Variants in GRIP1 observed in about 807,000 individuals in gnomAD.
GRIP1 encodes the protein glutamate receptor interacting protein 1.
A neutral mutation model predicts 129.9 loss-of-function variants in GRIP1; 45 were observed. The observed-to-expected ratio is 0.35, with a 90% CI of 0.27 to 0.44. GRIP1 has a LOEUF of 0.44. GRIP1 is among the 20% of genes least tolerant of loss of function. GRIP1 has a pLI of 1.00. For synonymous variants in GRIP1, 530 were observed against 520.8 expected, an observed-to-expected ratio of 1.02 and a Z score of -0.24; for missense variants, 1,196 against 1,396.8, an observed-to-expected ratio of 0.86 and a Z score of 2.29.
chr12:66,809,635 T>C (rs565200765), intron 1 of GRIP1, among the ~76,000 whole-genome samples: 4 of 152,244 alleles, frequency 2.6e-5, no homozygotes, highest in South Asian at 4.1e-4. Context: ...ATGTAACTCA[T>C]GAGCACATAA....
intron 16 of GRIP1, among the ~76,000 whole-genome samples, chr12:66,401,839 CAG>C (rs150866570): frequency 0.02 from 3,058 of 152,096 alleles, 106 homozygotes; most frequent in African/African-American, 0.071. Flanking sequence ...GGGCTAGAAA[CAG>C]AGTTAATTCA....
chr12:66,698,730 A>T (rs1352869129), intron 1 of GRIP1, among the ~76,000 whole-genome samples: 2 of 151,936 alleles, frequency 1.3e-5, no homozygotes, highest in Admixed American at 6.6e-5. Context: ...ATATGAATCT[A>T]CCTATCGTAT....
chr12:66,429,099 G>A (rs77451355), intron 14 of GRIP1, among the ~76,000 whole-genome samples: 2,062 of 152,276 alleles, frequency 0.014, 28 homozygotes, highest in Middle Eastern at 0.027. Flanking sequence ...CGGAACTTAA[G>A]AAAATTAGTC....
chr12:66,687,352 GA>G (rs1368160419), intron 1 of GRIP1, among the ~76,000 whole-genome samples: 2 of 152,090 alleles, frequency 1.3e-5, no homozygotes, highest in African/African-American at 4.8e-5. Context: ...AATAATGGTG[GA>G]AAGTAAGGAA....
Position 66,459,766 on chromosome 12 carries a change from T to C in GRIP1, c.1042+3158A>G, listed in dbSNP as rs550306059. ...TGCAAAAGGTGTTGAACAAATAATG[T>C]AGGCCAGAGAAGAGAGCTGCTGCCT... On this transcript the variant is annotated intron_variant, in intron 9 of 24. Coordinates refer to ENST00000359742, the MANE Select transcript of GRIP1 (RefSeq NM_001366722.1). Among the ~76,000 whole-genome samples the C allele has an allele frequency of 5.6e-4, 85 of 152,330 alleles. 1 individual carries two copies. The highest frequency in any genetic ancestry group is 1.8e-3 in the African/African-American group (74 of 41,560).
At chr12:66,683,711 A>T (rs913626411), upstream of GRIP1, among the ~76,000 whole-genome samples, 2 of 152,198 alleles carry the variant, frequency 1.3e-5, no homozygotes, top group African/African-American at 4.8e-5. Flanking sequence ...AGTGCCAAGG[A>T]AAGAAGGTTG....
chr12:66,763,235 C>A (rs1027229000), intron 1 of GRIP1, among the ~76,000 whole-genome samples: 1 of 152,116 alleles, frequency 6.6e-6, no homozygotes, highest in Admixed American at 6.6e-5. Flanking sequence ...GATTCTGACC[C>A]TCTAAACTAC....
intron 1 of GRIP1, among the ~76,000 whole-genome samples, chr12:66,824,596 T>C (rs1288135728): frequency 6.6e-6 from 1 of 152,156 alleles, no homozygotes; most frequent in Non-Finnish European, 1.5e-5. Context: ...CTTCAATGTG[T>C]CTATTGATGA....
chr12:66,537,507 A>G (rs2061640297), intron 4 of GRIP1, among the ~76,000 whole-genome samples: 1 of 114,744 alleles, frequency 8.7e-6, no homozygotes, highest in Non-Finnish European at 1.7e-5. Context: ...CATGCTTCAG[A>G]AATGGATATA....
chr12:66,701,777 A>G (rs1043308778), intron 1 of GRIP1, among the ~76,000 whole-genome samples: 2 of 152,212 alleles, frequency 1.3e-5, no homozygotes, highest in African/African-American at 4.8e-5. Flanking sequence ...CTGCTGATCA[A>G]TTAAGCTTCC....
chr12:66,963,720 A>C (rs1221920802), intron 1 of GRIP1, among the ~76,000 whole-genome samples: 5 of 152,198 alleles, frequency 3.3e-5, no homozygotes, highest in South Asian at 2.1e-4. Context: ...TACTTGAACA[A>C]CACCATCCAT....
chr12:67,035,657 T>C (rs1036419766), intron 1 of GRIP1: 1 of 151,992 alleles, frequency 6.6e-6, no homozygotes, highest in Non-Finnish European at 1.5e-5. Context: ...TTAGCAATGA[T>C]ATGAGGCTGC....
intron 11 of GRIP1, among the ~76,000 whole-genome samples, chr12:66,451,066 A>G (rs1489588149): frequency 6.6e-6 from 1 of 152,158 alleles, no homozygotes; most frequent in Non-Finnish European, 1.5e-5. Flanking sequence ...GAAGATGGAA[A>G]TGACTAAATT....
At chr12:66,505,589 G>A (rs910067791) in intron 7 of GRIP1, among the ~76,000 whole-genome samples, 7 of 152,146 alleles carry the variant, frequency 4.6e-5, no homozygotes, top group African/African-American at 7.2e-5. Flanking sequence ...AAATAATACA[G>A]TAATGGTGGG....
At chr12:66,387,572 C>T (rs925374770) in intron 19 of GRIP1, among the ~76,000 whole-genome samples, 4 of 152,054 alleles carry the variant, frequency 2.6e-5, no homozygotes, top group African/African-American at 7.2e-5. Flanking sequence ...AAAAACAAAG[C>T]GATAGCAGAT....
rs373387278 is a variant in GRIP1 at position 67,041,145 on chromosome 12, ATCTCTC to A, written c.58+27899_58+27904del. 3.3e-5 allele frequency among the ~76,000 whole-genome samples: 5 copies of A among 151,910 alleles called. 1 individual carries two copies. Among genetic ancestry groups the A allele is most frequent in the African/African-American group, 1.2e-4 (5 of 41,414 alleles). On this transcript the variant is annotated intron_variant, in intron 1 of 1. Transcript: ENST00000643019. ...CCTGTAAACTACTTCCTTAAAATCA[ATCTCTC>A]TCTTTCTCTCTCTCTCTCTATATGT...
intron 7 of GRIP1, among the ~76,000 whole-genome samples, chr12:66,501,390 C>T (rs1290847902): frequency 6.6e-6 from 1 of 152,110 alleles, no homozygotes; most frequent in Non-Finnish European, 1.5e-5. Context: ...AAGCTATATA[C>T]TATTATATAA....
chr12:66,506,186 A>C (rs1458539574), intron 7 of GRIP1, among the ~76,000 whole-genome samples: 1 of 152,198 alleles, frequency 6.6e-6, no homozygotes, highest in Non-Finnish European at 1.5e-5. Flanking sequence ...TTCCACTCTT[A>C]GGTATAATCT....
At chr12:66,936,081 A>G (rs1376885211) in intron 1 of GRIP1, among the ~76,000 whole-genome samples, 2 of 152,304 alleles carry the variant, frequency 1.3e-5, no homozygotes, top group Non-Finnish European at 2.9e-5. Flanking sequence ...TCTGGTAGGT[A>G]GGTGAACACA....
Sources: allele counts gnomAD v4.1 joint callset (sites outside exome capture counted in the v4.1 genomes callset), GRCh38; gene constraint gnomAD v4.1.1; transcripts MANE v1.5; gene names NCBI Gene and HGNC (gene_info 2026-07-23, HGNC 2026-07-21).